The following RBFOX3 variants were observed in gnomAD, a reference collection of about 807,000 sequenced individuals.
RBFOX3 encodes RNA binding fox-1 homolog 3.
In RBFOX3, 17 loss-of-function variants were observed where a neutral mutation model predicts 48.7. The observed-to-expected ratio is 0.35, with a 90% confidence interval of 0.24 to 0.52. The LOEUF is 0.52. Among genes scored for constraint, RBFOX3 ranks in the 20% least tolerant of loss-of-function variants. The probability of loss-of-function intolerance (pLI) is 0.94; values close to 1 mark genes in which losing one functional copy is unlikely to be tolerated. For missense variants in RBFOX3, 382 were observed against 497.5 expected (o/e 0.77, Z 2.21); for synonymous variants, 212 against 209.5 (o/e 1.01, Z -0.10).
chr17:79,565,792 C>T (rs1181315933), intron 1 of RBFOX3, among the ~76,000 whole-genome samples: 1 of 152,180 alleles, frequency 6.6e-6, no homozygotes, highest in Non-Finnish European at 1.5e-5. Context: ...CTTTCTTCTG[C>T]AGACAATACT....
At chr17:79,543,781 G>A (rs1402810151) in intron 1 of RBFOX3, among the ~76,000 whole-genome samples, 2 of 151,762 alleles carry the variant, frequency 1.3e-5, no homozygotes, top group Non-Finnish European at 2.9e-5. Flanking sequence ...GTGATTCTTG[G>A]CTACCGTCCA....
chr17:79,115,606 G>T lies in RBFOX3; in HGVS notation c.110C>A (p.Thr37Asn), dbSNP rs968309201. ...PHPTQDYSGQTPVPTEHGMTL... is the reference protein window; with the variant it reads ...PHPTQDYSGQNPVPTEHGMTL... ...CATGCCATGCTCTGTGGGGACCGGG[G>T]TCTGGCCGGAGTAGTCCTGCGTGGG... Residue 37 changes from threonine to asparagine, a missense_variant, in exon 5 of 15, where the codon ACC (threonine) becomes AAC (asparagine). By Grantham distance (65) the Thr-to-Asn change is moderately conservative. Transcript: ENST00000693108. 3.5e-6 allele frequency: 5 copies of T among 1,429,358 alleles called. No individual in the cohort carries two copies. In the African/African-American group the frequency reaches 4.4e-5, roughly 13 times the overall value. 88.5% of individuals were successfully genotyped at this position (1,429,358 alleles called of 1,614,324 possible). A position where few individuals can be genotyped will look rare whatever the true frequency, so the allele number is the denominator to read the frequency against.
At chr17:79,653,335 G>A in the RBFOX3 span, among the ~76,000 whole-genome samples, 1 of 152,188 alleles carries the variant, frequency 6.6e-6, no homozygotes, top group Non-Finnish European at 1.5e-5. Context: ...GCAGAAAAGA[G>A]GGCTAAGATG....
chr17:79,585,948 C>G (rs1939626544), intron 1 of RBFOX3, among the ~76,000 whole-genome samples: 1 of 152,236 alleles, frequency 6.6e-6, no homozygotes, highest in Non-Finnish European at 1.5e-5. Flanking sequence ...CCCAGCTGAG[C>G]TCCTGCATCC....
the RBFOX3 span, among the ~76,000 whole-genome samples, chr17:79,627,516 C>A: frequency 6.6e-6 from 1 of 152,190 alleles, no homozygotes; most frequent in Non-Finnish European, 1.5e-5. Context: ...TCAGGCCTGA[C>A]TCCAGGAGTG....
intron 5 of RBFOX3, among the ~76,000 whole-genome samples, chr17:79,112,560 G>C (rs547135419): frequency 6.6e-6 from 1 of 152,142 alleles, no homozygotes; most frequent in Non-Finnish European, 1.5e-5. Context: ...GGGCTGCAGG[G>C]GCCACTGCTC....
intron 2 of RBFOX3, among the ~76,000 whole-genome samples, chr17:79,398,299 G>A (rs549833753): frequency 3.5e-4 from 54 of 152,264 alleles, no homozygotes; most frequent in South Asian, 2.5e-3. Flanking sequence ...TGGCCTAGAC[G>A]AGGCTTCATT....
chr17:79,124,632 G>A (rs1254069506), intron 4 of RBFOX3, among the ~76,000 whole-genome samples: 1 of 140,846 alleles, frequency 7.1e-6, no homozygotes. Flanking sequence ...ACCAGCTCGG[G>A]TGTGGGGGCA....
the RBFOX3 span, among the ~76,000 whole-genome samples, chr17:79,654,257 T>G: frequency 2.0e-5 from 3 of 152,182 alleles, no homozygotes; most frequent in Non-Finnish European, 4.4e-5. Context: ...AGCCAGTCTC[T>G]GACCAGCTTT....
intron 3 of RBFOX3, among the ~76,000 whole-genome samples, chr17:79,282,620 C>T (rs949420056): frequency 1.1e-4 from 16 of 152,178 alleles, no homozygotes; most frequent in Admixed American, 3.3e-4. Context: ...CAGGGCCGGC[C>T]GCTGACCCAG....
intron 3 of RBFOX3, among the ~76,000 whole-genome samples, chr17:79,295,529 A>G (rs1172129728): frequency 6.6e-6 from 1 of 152,218 alleles, no homozygotes; most frequent in Non-Finnish European, 1.5e-5. Context: ...TCCCACAGAC[A>G]GCCTGGGATG....
chr17:79,146,018 T>C (rs1338397790), intron 4 of RBFOX3, among the ~76,000 whole-genome samples: 1 of 152,176 alleles, frequency 6.6e-6, no homozygotes, highest in Non-Finnish European at 1.5e-5. Context: ...CTGGATCCCT[T>C]GCACGTGCAG....
chr17:79,256,708 A>G (rs2064911024), intron 3 of RBFOX3, among the ~76,000 whole-genome samples: 1 of 152,160 alleles, frequency 6.6e-6, no homozygotes, highest in Non-Finnish European at 1.5e-5. Flanking sequence ...ACCTGAGGTC[A>G]GGAGTTTGAG....
At chr17:79,226,092 A>G (rs1297999178) in intron 4 of RBFOX3, among the ~76,000 whole-genome samples, 2 of 152,202 alleles carry the variant, frequency 1.3e-5, no homozygotes, top group Admixed American at 1.3e-4. Context: ...AGCAAAAAGA[A>G]TATCCCTGGC....
Position 79,597,653 on chromosome 17 carries a change from G to A in RBFOX3, c.-320+13173C>T, listed in dbSNP as rs1016126262. 5.0e-3 allele frequency among the ~76,000 whole-genome samples: 754 copies of A among 152,310 alleles called. 3 individuals are homozygous for A. Among genetic ancestry groups the A allele is most frequent in the South Asian group, 0.012 (56 of 4,832 alleles). On this transcript the variant is annotated intron_variant, in intron 1 of 14. Transcript: ENST00000693108. ...TACAGCCCGACACTTAGAAGGTACC[G>A]CCTGATTTCAGCCTCTGCATCCACG... is the stretch of plus-strand genomic sequence containing the variant.
intron 2 of RBFOX3, among the ~76,000 whole-genome samples, chr17:79,426,709 G>GT (rs1394189425): frequency 9.2e-5 from 14 of 151,514 alleles, no homozygotes; most frequent in Admixed American, 1.3e-4. Flanking sequence ...TTGTTTGTTT[G>GT]TTTTTTTGCT....
intron 2 of RBFOX3, among the ~76,000 whole-genome samples, chr17:79,425,909 C>G (rs1424411148): frequency 6.6e-6 from 1 of 152,162 alleles, no homozygotes; most frequent in East Asian, 1.9e-4. Flanking sequence ...GGGCGGGCAC[C>G]AGGCCTGCGC....
intron 4 of RBFOX3, among the ~76,000 whole-genome samples, chr17:79,228,738 G>A (rs2060630561): frequency 6.6e-6 from 1 of 152,188 alleles, no homozygotes; most frequent in African/African-American, 2.4e-5. Flanking sequence ...TTAACCCTTT[G>A]TGGTCAACAT....
chr17:79,514,406 C>T (rs1268313759), intron 1 of RBFOX3, among the ~76,000 whole-genome samples: 1 of 152,360 alleles, frequency 6.6e-6, no homozygotes, highest in African/African-American at 2.4e-5. Flanking sequence ...CTCACTGAGT[C>T]CTCTCACACC....
Sources: gnomAD v4.1 joint callset for allele counts (sites outside exome capture counted in the v4.1 genomes callset) on GRCh38, gnomAD v4.1.1 for gene constraint, MANE v1.5 for transcripts, NCBI Gene and HGNC (gene_info 2026-07-23, HGNC 2026-07-21) for gene names.